The following STK32A variants were observed in gnomAD, a reference collection of about 807,000 sequenced individuals.
STK32A encodes the protein serine/threonine-protein kinase 32A.
Under a neutral mutation model 53.2 loss-of-function variants are expected in STK32A, and 41 were observed. The ratio of observed to expected loss-of-function variants is 0.77; its 90% CI spans 0.60 to 1.00. The LOEUF (loss-of-function observed/expected upper bound fraction) is 1.00, where lower values mean the gene tolerates loss of function less well. STK32A is among the 50% of genes least tolerant of loss of function. The pLI is 0.00. For synonymous variants in STK32A, 166 were observed against 162.8 expected, an observed-to-expected ratio of 1.02 and a Z score of -0.15; for missense variants, 458 against 485.8, an observed-to-expected ratio of 0.94 and a Z score of 0.54.
chr5:147,326,956 C>A (rs1754624431), intron 5 of STK32A, among the ~76,000 whole-genome samples: 2 of 152,158 alleles, frequency 1.3e-5, no homozygotes, highest in East Asian at 1.9e-4. Flanking sequence ...TGGGCTCAAG[C>A]AATCCTCCTG....
chr5:147,271,483 T>A (rs1163158397), intron 2 of STK32A, among the ~76,000 whole-genome samples: 1 of 152,190 alleles, frequency 6.6e-6, no homozygotes, highest in Non-Finnish European at 1.5e-5. Context: ...AACAGCAATG[T>A]TCAGGGAATA....
chr5:147,349,007 G>A (rs1008580649), intron 6 of STK32A, among the ~76,000 whole-genome samples: 1 of 152,140 alleles, frequency 6.6e-6, no homozygotes, highest in African/African-American at 2.4e-5. Context: ...CAAGAAACAG[G>A]CTCTTCACCA....
chr5:147,280,541 C>G (rs988888906), intron 4 of STK32A, among the ~76,000 whole-genome samples: 3 of 151,890 alleles, frequency 2.0e-5, no homozygotes, highest in African/African-American at 7.3e-5. Context: ...TGACAATCTG[C>G]ATGTTTCTGC....
chr5:147,363,339 CA>C (rs5872018), intron 8 of STK32A, among the ~76,000 whole-genome samples: 36,241 of 151,804 alleles, frequency 0.24, 5,267 homozygotes, highest in African/African-American at 0.4. Flanking sequence ...GGCATGGGAG[CA>C]ATCACTCTCA....
At chr5:147,259,899 CCT>C (rs796787576) in intron 2 of STK32A, among the ~76,000 whole-genome samples, 4 of 122,236 alleles carry the variant, frequency 3.3e-5, no homozygotes, top group Admixed American at 2.3e-4. Flanking sequence ...CTTTCTCTCT[CCT>C]CTCTCTCTCT....
At chr5:147,401,770 G>C in the STK32A span, 1 of 1,565,268 alleles carries the variant, frequency 6.4e-7, no homozygotes, top group Admixed American at 1.9e-5. Context: ...ATTTAATTTA[G>C]CTCCTAAGCC....
intron 2 of STK32A, among the ~76,000 whole-genome samples, chr5:147,250,644 T>C (rs1328380643): frequency 6.6e-6 from 1 of 151,898 alleles, no homozygotes; most frequent in East Asian, 1.9e-4. Flanking sequence ...AGATGGAAGA[T>C]AAGAATGCAG....
chr5:147,252,861 G>A (rs1230461530), intron 2 of STK32A, among the ~76,000 whole-genome samples: 5 of 152,110 alleles, frequency 3.3e-5, no homozygotes, highest in Non-Finnish European at 5.9e-5. Context: ...ATGAGGGCCA[G>A]GGATTTTTGC....
chr5:147,289,748 T>C (rs923727729), intron 4 of STK32A, among the ~76,000 whole-genome samples: 8 of 152,200 alleles, frequency 5.3e-5, no homozygotes, highest in African/African-American at 1.4e-4. Context: ...TGAAAATTCT[T>C]CAATAATTCT....
intron 5 of STK32A, among the ~76,000 whole-genome samples, chr5:147,337,687 G>C (rs1205959531): frequency 6.6e-6 from 1 of 151,868 alleles, no homozygotes; most frequent in Non-Finnish European, 1.5e-5. Flanking sequence ...CTTTCACTTA[G>C]AACTTACGTC....
At chr5:147,286,251 C>T (rs1752330513) in intron 4 of STK32A, among the ~76,000 whole-genome samples, 1 of 151,234 alleles carries the variant, frequency 6.6e-6, no homozygotes, top group Non-Finnish European at 1.5e-5. Flanking sequence ...GAGAATGATA[C>T]AATGGACTTT....
chr5:147,397,988 G>T, the STK32A span: 2 of 775,436 alleles, frequency 2.6e-6, no homozygotes, highest in Non-Finnish European at 1.9e-6. Flanking sequence ...CAAGCATCCA[G>T]TGGGTAGAAG....
intron 2 of STK32A, among the ~76,000 whole-genome samples, chr5:147,251,180 C>T (rs1753982146): frequency 6.6e-6 from 1 of 152,070 alleles, no homozygotes; most frequent in African/African-American, 2.4e-5. Context: ...ACGCACAGGG[C>T]CTTATATCCA....
chr5:147,375,992 G>A (rs1031482361), intron 11 of STK32A: 2 of 151,944 alleles, frequency 1.3e-5, no homozygotes, highest in African/African-American at 4.8e-5. Flanking sequence ...ATTCATTTAG[G>A]CTACTTTTTT....
chr5:147,310,375 G>A (rs1281136423), intron 4 of STK32A, among the ~76,000 whole-genome samples: 1 of 152,220 alleles, frequency 6.6e-6, no homozygotes, highest in East Asian at 1.9e-4. Flanking sequence ...TGAACATGGT[G>A]TAGCTTGGTC....
chr5:147,312,104 T>A (rs896819846), intron 4 of STK32A, among the ~76,000 whole-genome samples: 6 of 151,578 alleles, frequency 4.0e-5, no homozygotes, highest in Admixed American at 2.6e-4. Context: ...TAATGAACAT[T>A]TATTTATTTA....
intron 2 of STK32A, among the ~76,000 whole-genome samples, chr5:147,264,947 T>C (rs1051907062): frequency 6.6e-6 from 1 of 151,906 alleles, no homozygotes; most frequent in Admixed American, 6.6e-5. Context: ...TAGATAGTTA[T>C]GGACACAAAA....
chr5:147,318,005 C>T (rs1218274705), intron 4 of STK32A, among the ~76,000 whole-genome samples: 1 of 152,040 alleles, frequency 6.6e-6, no homozygotes, highest in Non-Finnish European at 1.5e-5. Flanking sequence ...TAAGTAAAAA[C>T]CAAAATGATT....
chr5:147,254,872 G>T (rs960311280), intron 2 of STK32A, among the ~76,000 whole-genome samples: 7 of 152,200 alleles, frequency 4.6e-5, no homozygotes, highest in Non-Finnish European at 1.0e-4. Flanking sequence ...GGGCGCGGTG[G>T]CTCACGCCTG....
Sources: gnomAD v4.1 joint callset for allele counts (sites outside exome capture counted in the v4.1 genomes callset) on GRCh38, gnomAD v4.1.1 for gene constraint, MANE v1.5 for transcripts, NCBI Gene and HGNC (gene_info 2026-07-23, HGNC 2026-07-21) for gene names.